Variants in FRAS1 observed in about 807,000 individuals in gnomAD.
The protein encoded by FRAS1 is Fraser extracellular matrix complex subunit 1, also known as extracellular matrix organizing protein FRAS1.
FRAS1 carries 290 observed loss-of-function variants against 435.2 expected under a neutral mutation model. The observed-to-expected ratio is 0.67, with a 90% confidence interval of 0.61 to 0.73. The LOEUF (loss-of-function observed/expected upper bound fraction) is 0.73. Among genes scored for constraint, FRAS1 ranks in the 30% least tolerant of loss-of-function variants. The pLI, the probability that FRAS1 is intolerant of heterozygous loss-of-function variation, is 0.00. For missense variants in FRAS1, 4,860 were observed against 5,001.5 expected, an observed-to-expected ratio of 0.97 and a Z score of 0.85; for synonymous variants, 1,800 against 1,851.0, an observed-to-expected ratio of 0.97 and a Z score of 0.71.
At chr4:78,215,108 A>G (rs1238703637) in intron 2 of FRAS1, among the ~76,000 whole-genome samples, 1 of 152,170 alleles carries the variant, frequency 6.6e-6, no homozygotes, top group Admixed American at 6.5e-5. Context: ...GTGTAACTTG[A>G]CGCTGGTCTA....
intron 2 of FRAS1, among the ~76,000 whole-genome samples, chr4:78,080,888 G>T (rs1740864564): frequency 6.6e-6 from 1 of 152,150 alleles, no homozygotes; most frequent in Non-Finnish European, 1.5e-5. Flanking sequence ...AATCAGACTT[G>T]AAACTGGGAT....
At chr4:78,096,829 A>T (rs1470394998) in intron 2 of FRAS1, among the ~76,000 whole-genome samples, 1 of 152,206 alleles carries the variant, frequency 6.6e-6, no homozygotes, top group African/African-American at 2.4e-5. Flanking sequence ...AAGACCTCTG[A>T]TACGCCCTGG....
intron 29 of FRAS1, among the ~76,000 whole-genome samples, chr4:78,390,538 T>A (rs1435185435): frequency 3.9e-5 from 6 of 152,218 alleles, no homozygotes; most frequent in Non-Finnish European, 7.3e-5. Flanking sequence ...TATATTCTTA[T>A]CCCCTTGATG....
chr4:78,100,723 C>T (rs1178041690), intron 2 of FRAS1, among the ~76,000 whole-genome samples: 3 of 152,116 alleles, frequency 2.0e-5, no homozygotes, highest in African/African-American at 7.2e-5. Flanking sequence ...GTGGCAGATC[C>T]TGGCTCTTGG....
chr4:78,398,456 A>T (rs1450532983), intron 29 of FRAS1, among the ~76,000 whole-genome samples: 1 of 152,208 alleles, frequency 6.6e-6, no homozygotes, highest in Non-Finnish European at 1.5e-5. Context: ...ATTGTCTAAA[A>T]AGTTACACTC....
At chr4:78,084,976 G>A (rs565639621) in intron 2 of FRAS1, among the ~76,000 whole-genome samples, 1 of 152,134 alleles carries the variant, frequency 6.6e-6, no homozygotes, top group African/African-American at 2.4e-5. Flanking sequence ...ATTTCCCAAT[G>A]ACACTAATAT....
chr4:78,066,099 T>C, intron 2 of FRAS1, 83 bp downstream of exon 2: 1 of 919,404 alleles, frequency 1.1e-6, no homozygotes, highest in South Asian at 1.4e-5. Flanking sequence ...GAGTTGACCC[T>C]ATCATTGTAG....
rs1053323122 is a variant in FRAS1, at chr4:78,337,917, C to T, written c.2422+100C>T. The T allele has an allele frequency of 2.7e-6, 3 of 1,130,082 alleles. No individual in the cohort carries two copies. In the African/African-American group the frequency reaches 4.6e-5, roughly 17 times the overall value. The allele number at this position is 1,130,082 out of a possible 1,614,324, so 70.0% of individuals were successfully genotyped here. ...GCTCTTTGTCCTCAGTTTATGAGCT[C>T]TTTTATAGGAGACATTTGTTTCATG... On this transcript the variant is annotated intron_variant, in intron 20 of 73. Transcript: ENST00000512123.
At chr4:78,375,238 T>G (rs1247391439) in intron 25 of FRAS1, among the ~76,000 whole-genome samples, 1 of 152,184 alleles carries the variant, frequency 6.6e-6, no homozygotes, top group Non-Finnish European at 1.5e-5. Flanking sequence ...ACAATGGTGG[T>G]AGTAGAAAAA....
At chr4:78,445,441 A>T (rs1328959397) in intron 41 of FRAS1, 81 bp from the exon 42 acceptor site, 1 of 1,436,974 alleles carries the variant, frequency 7.0e-7, no homozygotes, top group Non-Finnish European at 9.2e-7. Context: ...TTTGCCGAAA[A>T]TGATACCTTG....
chr4:78,255,071 A>T (rs1313071131), intron 5 of FRAS1, among the ~76,000 whole-genome samples, 171 bp from the exon 6 acceptor site: 2 of 152,212 alleles, frequency 1.3e-5, no homozygotes, highest in East Asian at 3.9e-4. Flanking sequence ...CCTATAAAAC[A>T]CAAATTCAGA....
intron 1 of FRAS1, among the ~76,000 whole-genome samples, chr4:78,064,480 T>C (rs373130702): frequency 6.6e-6 from 1 of 151,936 alleles, no homozygotes; most frequent in Non-Finnish European, 1.5e-5. Context: ...GGAAATGTCA[T>C]TAGGAGAAAG....
chr4:78,369,371 C>A (rs960358099), intron 22 of FRAS1, among the ~76,000 whole-genome samples: 10 of 152,178 alleles, frequency 6.6e-5, no homozygotes, highest in Admixed American at 6.5e-4. Flanking sequence ...AATCAATAAA[C>A]CAGTTCACCT....
Position 78,449,322 on chromosome 4 carries a change from A to G in FRAS1, c.6275-829A>G, listed in dbSNP as rs557073361. Among the ~76,000 whole-genome samples, 5 of 152,312 alleles carry G rather than the reference A, an allele frequency of 3.3e-5. No individual in the cohort carries two copies. The South Asian group carries it at 8.3e-4, about 25-fold the overall frequency. On this transcript the variant is annotated intron_variant, in intron 44 of 73. Transcript: ENST00000512123. ...GAGCTTGGGGAATTCTCCATGTTAC[A>G]GCAGCAGAATGCAAGTCTTATTTTT...
rs549753845 is a variant in FRAS1, at chr4:78,472,265, G to C, written c.7457G>C (p.Gly2486Ala). The C allele has an allele frequency of 1.2e-6, 2 of 1,613,666 alleles. No homozygotes were observed. Among genetic ancestry groups the C allele is most frequent in the Admixed American group, 1.7e-5 (1 of 60,010 alleles). The change falls in exon 52 of 74, where the codon GGC (glycine) becomes GCC (alanine). Residue 2486 changes from glycine (G) to alanine (A), a missense_variant. Physicochemically the swap from Gly to Ala is moderately conservative, Grantham distance 60 (BLOSUM62 0). Transcript: ENST00000512123. ...CAGCTTGTCTATGAGATAACGACGGGCCCTAAGCATGGCTTTGTGGAGAAC... is the reference window on the plus strand; with the variant it reads ...CAGCTTGTCTATGAGATAACGACGGCCCCTAAGCATGGCTTTGTGGAGAAC... ...DAQLVYEITT[G>A]PKHGFVENKL...
At chr4:78,479,743 C>T (rs1330496772) in intron 56 of FRAS1, 25 bp downstream of exon 56, 6 of 1,500,446 alleles carry the variant, frequency 4.0e-6, no homozygotes, top group East Asian at 2.3e-5. Flanking sequence ...CTCTGAGTTT[C>T]CTTCACCTGT....
At chr4:78,431,046 A>G (rs1312212303) in intron 37 of FRAS1, among the ~76,000 whole-genome samples, 3 of 152,210 alleles carry the variant, frequency 2.0e-5, no homozygotes, top group Non-Finnish European at 4.4e-5. Flanking sequence ...ATTGAAGTGA[A>G]TATTATCCTT....
Position 78,534,623 on chromosome 4 carries a change from G to A in FRAS1, c.11092+8G>A, listed in dbSNP as rs752890029. The A allele has an allele frequency of 6.2e-7, 1 of 1,611,300 alleles. No individual in the cohort carries two copies. The highest frequency in any genetic ancestry group is 1.1e-5 in the South Asian group (1 of 90,710). On this transcript the variant is annotated splice_region_variant and intron_variant, in intron 71 of 73. Transcript: ENST00000512123. ...AAGGAGCCTTTTCAAAAGGTGAGTT[G>A]CTTCCTCCACCTGCAGAAAGAGGCT... is the stretch of plus-strand genomic sequence containing the variant.
intron 2 of FRAS1, among the ~76,000 whole-genome samples, chr4:78,137,393 A>G (rs538147870): frequency 1.3e-5 from 2 of 152,300 alleles, no homozygotes; most frequent in South Asian, 2.1e-4. Flanking sequence ...AAATATGTAT[A>G]CATATATATT....
Sources: gnomAD v4.1 joint callset for allele counts (sites outside exome capture counted in the v4.1 genomes callset) on GRCh38, gnomAD v4.1.1 for gene constraint, MANE v1.5 for transcripts, NCBI Gene and HGNC (gene_info 2026-07-23, HGNC 2026-07-21) for gene names.